Variants in PIGZ observed in about 807,000 individuals in gnomAD.
PIGZ encodes the protein GPI alpha-1,2-mannosyltransferase 4.
Under a neutral mutation model 16.4 loss-of-function variants are expected in PIGZ, and 16 were observed. The ratio of observed to expected loss-of-function variants is 0.97; its 90% CI spans 0.66 to 1.48. PIGZ has a LOEUF of 1.48. Ranked by LOEUF, PIGZ falls within the 40% of genes most tolerant of loss-of-function variation. The probability of loss-of-function intolerance (pLI) is 0.00; values close to 1 mark genes in which losing one functional copy is unlikely to be tolerated. For missense variants in PIGZ, 770 were observed against 739.2 expected (o/e 1.04, Z -0.48); for synonymous variants, 409 against 338.4 (o/e 1.21, Z -2.29).
In PIGZ at chr3:196,948,868, C is replaced by A. The variant is rs879706754; in HGVS notation, c.212-183G>T. On this transcript the variant is annotated intron_variant, in intron 2 of 2. Transcript: ENST00000412723. ...CTCCCTCCTTCTTTCCCTTCCTTCC[C>A]TTCCTTCCTTCCCTTCCTTCCCCTT... is the stretch of plus-strand genomic sequence containing the variant. Among the ~76,000 whole-genome samples, 4 of 84,306 alleles carry A rather than the reference C, an allele frequency of 4.7e-5. 2 individuals carry two copies. In the East Asian group the frequency reaches 2.0e-3, roughly 42 times the overall value. 55.3% of individuals were successfully genotyped at this position (84,306 alleles called of 152,430 possible).
At chr3:196,967,074 C>G (rs1470557570) in intron 1 of PIGZ, among the ~76,000 whole-genome samples, 1 of 151,598 alleles carries the variant, frequency 6.6e-6, no homozygotes, top group Non-Finnish European at 1.5e-5. Flanking sequence ...ATCTCAGAGA[C>G]AGGGGAACAG....
At chr3:196,955,304 A>G (rs990724601) in intron 1 of PIGZ, among the ~76,000 whole-genome samples, 1 of 152,206 alleles carries the variant, frequency 6.6e-6, no homozygotes, top group Non-Finnish European at 1.5e-5. Context: ...GAACTAGCTC[A>G]TGAAATAGTT....
chr3:196,960,153 G>T (rs1717652498), intron 1 of PIGZ, among the ~76,000 whole-genome samples: 1 of 152,214 alleles, frequency 6.6e-6, no homozygotes, highest in Non-Finnish European at 1.5e-5. Context: ...GACTGTTACA[G>T]GAGTGGTCGC....
chr3:196,957,293 C>T (rs1216488603), intron 1 of PIGZ, among the ~76,000 whole-genome samples: 3 of 151,888 alleles, frequency 2.0e-5, no homozygotes, highest in South Asian at 2.1e-4. Context: ...GGGAGATAGC[C>T]CACCCCCAGC....
In PIGZ at chr3:196,947,445, C is replaced by T; in HGVS notation, c.1452G>A (p.Val484=). 1 of 1,613,700 alleles carries T rather than the reference C, an allele frequency of 6.2e-7. No individual in the cohort carries two copies. The highest frequency in any genetic ancestry group is 8.5e-7 in the Non-Finnish European group (1 of 1,179,996). ...HLPGLGAPVE[V]VDMGGTEDWA... is the part of the protein sequence containing the mutation. The stretch of plus-strand genomic sequence containing the variant: ...AGTCCTCAGTCCCCCCCATGTCCAC[C>T]ACCTCCACTGGTGCCCCCAGGCCTG... The change falls in exon 3 of 3, where the codon GTG becomes GTA. Residue 484 remains valine (V), a synonymous_variant. Coordinates refer to ENST00000412723, the MANE Select transcript of PIGZ (RefSeq NM_025163.4).
In PIGZ at chr3:196,948,497, T is replaced by C. The variant is rs1418968536; in HGVS notation, c.400A>G (p.Thr134Ala). 1 of 1,612,984 alleles carries C rather than the reference T, an allele frequency of 6.2e-7. No individual in the cohort carries two copies. The highest frequency in any genetic ancestry group is 8.5e-7 in the Non-Finnish European group (1 of 1,179,610). ...CCGTCCAGAGCAAAGGAAAGGGCAG[T>C]GAGGAGGAGTCGAGGCCCCACCAGC... ...ALLVGPRLLL[T>A]ALSFALDGAV... The change falls in exon 3 of 3, where the codon ACT (threonine) becomes GCT (alanine). Residue 134 changes from threonine to alanine, a missense_variant. Transcript: ENST00000412723.
intron 2 of PIGZ, 62 bp from the exon 3 acceptor site, chr3:196,948,747 G>A (rs1577880463): frequency 7.9e-7 from 1 of 1,259,692 alleles, no homozygotes; most frequent in East Asian, 2.6e-5. Flanking sequence ...CAAAATTCTA[G>A]GAGGGCACCC....
rs766910327 is a variant in PIGZ, at chr3:196,948,465, C to T, written c.432G>A (p.Val144=). Residue 144 remains valine (V), a synonymous_variant, in exon 3 of 3, where the codon GTG becomes GTA. Coordinates refer to ENST00000412723, the MANE Select transcript of PIGZ (RefSeq NM_025163.4). ...TALSFALDGA[V]YHLAPPMGAD... ...CCCCCATCGGCGGGGCCAGGTGGTA[C>T]ACGGCCCCGTCCAGAGCAAAGGAAA... The T allele has an allele frequency of 2.5e-6, 4 of 1,613,818 alleles. No homozygotes were observed. In the Admixed American group the frequency reaches 6.7e-5, roughly 27 times the overall value.
rs1716899584 is a variant in PIGZ at position 196,946,838 on chromosome 3, A to G, written c.*319T>C. On this transcript the variant is annotated 3_prime_UTR_variant, in exon 3 of 3. Coordinates refer to ENST00000412723, the MANE Select transcript of PIGZ (RefSeq NM_025163.4). Reference sequence around the variant, plus strand: ...CACTAGCAGTTCATTGTCTTTTTTCACAACCAGGTACTATCACATATTTCA... The same window carrying G: ...CACTAGCAGTTCATTGTCTTTTTTCGCAACCAGGTACTATCACATATTTCA... The G allele has an allele frequency of 7.5e-6, 2 of 265,410 alleles. No individual in the cohort carries two copies. The highest frequency in any genetic ancestry group is 1.4e-5 in the Non-Finnish European group (2 of 140,938). 16.4% of individuals were successfully genotyped at this position (265,410 alleles called of 1,614,324 possible). A position where few individuals can be genotyped will look rare whatever the true frequency, so the allele number is the denominator to read the frequency against.
At chr3:196,954,893 G>A (rs1577889830) in intron 1 of PIGZ, among the ~76,000 whole-genome samples, 1 of 151,706 alleles carries the variant, frequency 6.6e-6, no homozygotes, top group East Asian at 1.9e-4. Flanking sequence ...TCTATAAGTT[G>A]TCATTAGATC....
At chr3:196,968,143 C>T (rs1315781600) in intron 1 of PIGZ, among the ~76,000 whole-genome samples, 1 of 152,226 alleles carries the variant, frequency 6.6e-6, no homozygotes. Context: ...CCCCATGCCA[C>T]CCCTGGGGCA....
At chr3:196,949,857 C>T (rs1717197165) in intron 2 of PIGZ, among the ~76,000 whole-genome samples, 1 of 152,068 alleles carries the variant, frequency 6.6e-6, no homozygotes, top group Non-Finnish European at 1.5e-5. Flanking sequence ...TGTCCTTACA[C>T]CTGTCAAGCT....
In PIGZ at chr3:196,965,111, C is replaced by T. The variant is rs1022511805; in HGVS notation, c.-1+3576G>A. On this transcript the variant is annotated intron_variant, in intron 1 of 2. Transcript: ENST00000412723. This position sits in a 1 kb window ranked among gnomAD's most constrained non-coding sequence, Gnocchi z 4.2. ...TGAGGAAACTACCATGTATTAGTGT[C>T]CCACACTCCTGGTACCAATTTACTG... Among the ~76,000 whole-genome samples the T allele has an allele frequency of 2.0e-5, 3 of 152,194 alleles. No individual in the cohort carries two copies. The highest frequency in any genetic ancestry group is 7.2e-5 in the African/African-American group (3 of 41,444).
rs144834399 is a variant in PIGZ, at chr3:196,947,362, C to T, written c.1535G>A (p.Gly512Asp). The T allele has an allele frequency of 6.2e-6, 10 of 1,614,104 alleles. No homozygotes were observed. Among genetic ancestry groups the T allele is most frequent in the Non-Finnish European group, 8.5e-6 (10 of 1,180,062 alleles). The part of the protein sequence containing the change: ...FTRQPACQVA[G>D]GPWLCRLFVV... ...AAAGAGGCGGCAGAGCCATGGCCCA[C>T]CAGCCACTTGGCAGGCTGGTTGTCT... is the stretch of plus-strand genomic sequence containing the variant. Residue 512 changes from glycine to aspartate, a missense_variant, in exon 3 of 3, where the codon GGT (glycine) becomes GAT (aspartate). Physicochemically the swap from Gly to Asp is moderately conservative, Grantham distance 94. Transcript: ENST00000412723.
intron 1 of PIGZ, among the ~76,000 whole-genome samples, chr3:196,958,586 G>A (rs1317636591): frequency 2.0e-5 from 3 of 152,304 alleles, no homozygotes; most frequent in Non-Finnish European, 4.4e-5. Flanking sequence ...GGCCAAGATC[G>A]CGCCACTGCA....
chr3:196,957,549 A>G (rs1717547019), intron 1 of PIGZ, among the ~76,000 whole-genome samples: 2 of 151,760 alleles, frequency 1.3e-5, no homozygotes, highest in African/African-American at 4.8e-5. Flanking sequence ...CACCCAGCTA[A>G]TTTTGTATTT....
chr3:196,956,332 C>T (rs140078137), intron 1 of PIGZ, among the ~76,000 whole-genome samples: 1,598 of 152,202 alleles, frequency 0.01, 29 homozygotes, highest in African/African-American at 0.037. Context: ...TGGTGGAAGG[C>T]AAAGGCACGT....
At chr3:196,964,607 G>A (rs972857609) in intron 1 of PIGZ, among the ~76,000 whole-genome samples, 23 of 151,760 alleles carry the variant, frequency 1.5e-4, no homozygotes, top group African/African-American at 5.3e-4. Context: ...CACCTGCCTC[G>A]GCCTCCCAAA....
chr3:196,955,515 T>C (rs1346213400), intron 1 of PIGZ, among the ~76,000 whole-genome samples: 1 of 151,874 alleles, frequency 6.6e-6, no homozygotes, highest in Non-Finnish European at 1.5e-5. Flanking sequence ...ACACACTTTT[T>C]GGAAACTTAG....
Sources: gnomAD v4.1 joint callset for allele counts (sites outside exome capture counted in the v4.1 genomes callset) on GRCh38, gnomAD v4.1.1 for gene constraint, Gnocchi (gnomAD v3.1) non-coding constraint, MANE v1.5 for transcripts, NCBI Gene and HGNC (gene_info 2026-07-23, HGNC 2026-07-21) for gene names.